The following RIMS2 variants were observed in gnomAD, a reference collection of about 807,000 sequenced individuals.
RIMS2 encodes regulating synaptic membrane exocytosis protein 2.
In RIMS2, 59 loss-of-function variants were observed where a neutral mutation model predicts 174.4. The observed-to-expected ratio is 0.34, with a 90% CI of 0.27 to 0.42. RIMS2 has a LOEUF of 0.42. RIMS2 is among the 10% of genes least tolerant of loss of function. RIMS2 has a pLI of 1.00. For missense variants in RIMS2, 1,620 were observed against 1,666.3 expected, an observed-to-expected ratio of 0.97 and a Z score of 0.48; for synonymous variants, 606 against 572.5, an observed-to-expected ratio of 1.06 and a Z score of -0.84.
chr8:103,570,357 C>T (rs1023323158), intron 1 of RIMS2, among the ~76,000 whole-genome samples: 2 of 152,104 alleles, frequency 1.3e-5, no homozygotes, highest in African/African-American at 2.4e-5. Flanking sequence ...TTATCACATG[C>T]TTTATTACTT....
At chr8:103,977,151 G>T (rs2154548727) in intron 16 of RIMS2, 1 of 152,186 alleles carries the variant, frequency 6.6e-6, no homozygotes, top group Non-Finnish European at 1.5e-5. Flanking sequence ...GACAGCTTTA[G>T]ATTTATTATG....
chr8:103,792,303 A>G (rs1317510476), intron 3 of RIMS2, among the ~76,000 whole-genome samples: 3 of 152,216 alleles, frequency 2.0e-5, no homozygotes, highest in Admixed American at 6.5e-5. Flanking sequence ...AAACTGAACA[A>G]CCTGCTCCTG....
chr8:104,103,906 T>C (rs1381803276), intron 19 of RIMS2, among the ~76,000 whole-genome samples: 7 of 152,274 alleles, frequency 4.6e-5, no homozygotes, highest in African/African-American at 1.7e-4. Flanking sequence ...AGTCACTATA[T>C]GGGACCCTGC....
chr8:103,799,039 G>T (rs1275464729), intron 3 of RIMS2, among the ~76,000 whole-genome samples: 2 of 151,544 alleles, frequency 1.3e-5, no homozygotes, highest in African/African-American at 4.9e-5. Context: ...ATGAGTCAAA[G>T]AATTTGCCAG....
intron 4 of RIMS2, among the ~76,000 whole-genome samples, chr8:103,897,440 G>A (rs2099291927): frequency 6.6e-6 from 1 of 151,700 alleles, no homozygotes. Flanking sequence ...TGTGAGCTGA[G>A]GGAGAGATGC....
intron 1 of RIMS2, among the ~76,000 whole-genome samples, chr8:103,527,533 G>A (rs892040065): frequency 4.6e-5 from 7 of 151,426 alleles, no homozygotes; most frequent in Non-Finnish European, 8.8e-5. Context: ...AATGCTATCC[G>A]TCCCCCATCC....
At position 103,910,238 on chromosome 8, in the gene RIMS2, AT is replaced by A. The variant is rs776078780; in HGVS notation, c.1692+38del. 32 of 1,528,902 alleles carry A rather than the reference AT, an allele frequency of 2.1e-5. No individual in the cohort carries two copies. In the South Asian group the frequency reaches 3.5e-4, roughly 16 times the overall value. The allele number at this position is 1,528,902 out of a possible 1,614,324, so 94.7% of individuals were successfully genotyped here. On this transcript the variant is annotated intron_variant, in intron 5 of 23. Coordinates refer to ENST00000504942, the Ensembl canonical transcript of RIMS2. ...GGAGCCTTACTATTTAATTTTCGTT[AT>A]CATTTCACTTTTCCTTTTTTATTTA...
intron 2 of RIMS2, among the ~76,000 whole-genome samples, chr8:103,753,982 G>T (rs532851933): frequency 6.6e-6 from 1 of 152,068 alleles, no homozygotes; most frequent in Non-Finnish European, 1.5e-5. Flanking sequence ...TTTTGAATGT[G>T]TTTGCTCTTG....
intron 17 of RIMS2, among the ~76,000 whole-genome samples, chr8:103,998,715 G>A (rs1309093993): frequency 6.6e-6 from 1 of 151,698 alleles, no homozygotes; most frequent in Non-Finnish European, 1.5e-5. Context: ...TGCCTTGTCA[G>A]AGGTGGCTGT....
chr8:103,943,007 T>A (rs2082890555), intron 14 of RIMS2, 81 bp downstream of exon 16: 1 of 1,018,500 alleles, frequency 9.8e-7, no homozygotes, highest in Non-Finnish European at 1.4e-6. Context: ...AACTTGAAGA[T>A]ATCTTTGTGA....
intron 19 of RIMS2, among the ~76,000 whole-genome samples, chr8:104,226,408 A>G (rs560768660): frequency 3.9e-5 from 6 of 152,220 alleles, no homozygotes; most frequent in Non-Finnish European, 8.8e-5. Flanking sequence ...CATTCTACAC[A>G]AAAAGTGCCA....
chr8:103,584,720 A>G (rs1014267001), intron 1 of RIMS2, among the ~76,000 whole-genome samples: 1 of 152,194 alleles, frequency 6.6e-6, no homozygotes, highest in Non-Finnish European at 1.5e-5. Context: ...TCAATTCAAA[A>G]CACATACAAT....
At chr8:104,069,323 C>A (rs1324006846) in intron 19 of RIMS2, among the ~76,000 whole-genome samples, 4 of 152,082 alleles carry the variant, frequency 2.6e-5, no homozygotes. Flanking sequence ...CGTCATGAAG[C>A]AAAGAGCTTC....
chr8:104,013,485 T>G, exon 18 of RIMS2: 1 of 1,613,816 alleles, frequency 6.2e-7, no homozygotes, highest in Non-Finnish European at 8.5e-7. Flanking sequence ...CAGATCCAGA[T>G]CAACAGAACA....
At position 104,104,061 on chromosome 8, in the gene RIMS2, G is replaced by A. The variant is rs1313729819; in HGVS notation, c.3334+89446G>A. ...ATCAGAAACATAGCTGGATAAACTG[G>A]CTTGAAAAAGGAAAAACAAATATGA... On this transcript the variant is annotated intron_variant, in intron 19 of 23. Transcript: ENST00000504942. Among the ~76,000 whole-genome samples the A allele has an allele frequency of 5.9e-5, 9 of 152,230 alleles. No homozygotes were observed. In the East Asian group the frequency reaches 1.7e-3, roughly 29 times the overall value.
intron 19 of RIMS2, among the ~76,000 whole-genome samples, chr8:104,194,754 G>A (rs1257603454): frequency 1.3e-5 from 2 of 152,118 alleles, no homozygotes; most frequent in Admixed American, 6.5e-5. Flanking sequence ...CAGAGAAAAG[G>A]CATCTACTCT....
chr8:103,578,714 C>A (rs2132675300), intron 1 of RIMS2, among the ~76,000 whole-genome samples: 1 of 152,138 alleles, frequency 6.6e-6, no homozygotes, highest in African/African-American at 2.4e-5. Context: ...AATACCATGG[C>A]TGAGCACAGT....
chr8:103,942,857 C>G (rs2082852871), exon 14 of RIMS2: 1 of 1,613,510 alleles, frequency 6.2e-7, no homozygotes, highest in East Asian at 2.2e-5. Context: ...TTCATTGCCA[C>G]TTCCCCACCC....
chr8:104,015,789 G>T (rs187801250), intron 19 of RIMS2, among the ~76,000 whole-genome samples: 3 of 151,972 alleles, frequency 2.0e-5, no homozygotes, highest in Admixed American at 2.0e-4. Flanking sequence ...GATATCAATT[G>T]CAGTCTACGT....
Sources: gnomAD v4.1 joint callset for allele counts (sites outside exome capture counted in the v4.1 genomes callset) on GRCh38, gnomAD v4.1.1 for gene constraint, MANE v1.5 for transcripts, NCBI Gene and HGNC (gene_info 2026-07-23, HGNC 2026-07-21) for gene names.